The following NFKBIZ variants were observed in gnomAD, a reference collection of about 807,000 sequenced individuals.
NFKBIZ encodes the protein NF-kappa-B inhibitor zeta.
In NFKBIZ, 19 loss-of-function variants were observed where a neutral mutation model predicts 76.8. That is an observed-to-expected ratio of 0.25 (90% confidence interval 0.17 to 0.36). NFKBIZ has a LOEUF of 0.36. Among genes scored for constraint, NFKBIZ ranks in the 10% least tolerant of loss-of-function variants. The pLI, the probability that NFKBIZ is intolerant of heterozygous loss-of-function variation, is 1.00. For synonymous variants in NFKBIZ, 368 were observed against 354.8 expected, an observed-to-expected ratio of 1.04 and a Z score of -0.42; for missense variants, 829 against 910.9, an observed-to-expected ratio of 0.91 and a Z score of 1.16.
chr3:101,856,991 A>C (rs1446270551), intron 9 of NFKBIZ, 82 bp from the exon 10 acceptor site: 1 of 979,308 alleles, frequency 1.0e-6, no homozygotes, highest in Non-Finnish European at 1.6e-6. Flanking sequence ...TCAGACATTC[A>C]GGAGACTGGG....
chr3:101,846,417 T>C (rs536228345), upstream of NFKBIZ, among the ~76,000 whole-genome samples: 1 of 152,340 alleles, frequency 6.6e-6, no homozygotes, highest in Admixed American at 6.5e-5. Context: ...GTTTTTGATG[T>C]GTATGGGAGG....
Position 101,849,745 on chromosome 3 carries a change from G to A in NFKBIZ, c.117G>A (p.Ser39=), listed in dbSNP as rs1216899819. ...ACCTGAGCTACTTCTACGGCGCGTC[G>A]CCGCCCGCCGCCGCCCCGGGCGCCT... ...PLNLSYFYGA[S]PPAAAPGACD... is the part of the protein sequence containing the mutation. The change falls in exon 1 of 12, where the codon TCG becomes TCA. Residue 39 remains serine, a synonymous_variant. Transcript: ENST00000326172. 5 of 1,446,584 alleles carry A rather than the reference G, an allele frequency of 3.5e-6. No individual in the cohort carries two copies. The highest frequency in any genetic ancestry group is 2.6e-5 in the Admixed American group (1 of 38,520). The allele number at this position is 1,446,584 out of a possible 1,614,324, so 89.6% of individuals were successfully genotyped here.
chr3:101,856,038 G>A, intron 9 of NFKBIZ, 136 bp downstream of exon 9: 1 of 756,876 alleles, frequency 1.3e-6, no homozygotes, highest in Non-Finnish European at 2.0e-6. Flanking sequence ...ATGTATGGGT[G>A]GTTAAGAAGC....
In NFKBIZ at chr3:101,849,558, C is replaced by A; in HGVS notation, c.-71C>A. The A allele has an allele frequency of 2.4e-6, 3 of 1,261,962 alleles. No individual in the cohort carries two copies. Among genetic ancestry groups the A allele is most frequent in the Non-Finnish European group, 3.0e-6 (3 of 995,986 alleles). 78.2% of individuals were successfully genotyped at this position (1,261,962 alleles called of 1,614,324 possible). A position where few individuals can be genotyped will look rare whatever the true frequency, so the allele number is the denominator to read the frequency against. ...GCCCGCCGACAGCTCCCTGAGCCAG[C>A]CCGGGAGGCAGCCGCGCGCAGCGAG... On this transcript the variant is annotated 5_prime_UTR_variant, in exon 1 of 12. Transcript: ENST00000326172.
chr3:101,854,550 C>T (rs1204490566), intron 5 of NFKBIZ, 28 bp from the exon 6 acceptor site: 31 of 1,344,074 alleles, frequency 2.3e-5, no homozygotes, highest in Non-Finnish European at 2.9e-5. Flanking sequence ...AGAAGTGATT[C>T]ACCCGCTTTC....
chr3:101,835,422 G>A (rs914504738), intron 2 of NFKBIZ, among the ~76,000 whole-genome samples: 1 of 152,200 alleles, frequency 6.6e-6, no homozygotes, highest in African/African-American at 2.4e-5. Flanking sequence ...TAGTTTGCTA[G>A]GGCTGCCGTA....
Position 101,852,178 on chromosome 3 carries a change from G to T in NFKBIZ, c.383G>T (p.Arg128Leu). ...NSVKELLLHIRSHKQKASGQA... is the reference protein window; with the variant it reads ...NSVKELLLHILSHKQKASGQA... ...GTGAAGGAACTCCTGTTGCACATCC[G>T]AAGTCATAAACAGAAGGCTTCTGGC... The change falls in exon 2 of 12, where the codon CGA becomes CTA. Residue 128 changes from arginine to leucine, a missense_variant. Around this residue, in one of 4 missense-constraint regions of NFKBIZ, gnomAD observed 371 missense variants for 332.3 expected, o/e 1.12. Coordinates refer to ENST00000326172, the MANE Select transcript of NFKBIZ (RefSeq NM_031419.4). 6.2e-7 allele frequency: 1 copy of T among 1,614,224 alleles called. No homozygotes were observed. The highest frequency in any genetic ancestry group is 8.5e-7 in the Non-Finnish European group (1 of 1,180,042).
In NFKBIZ at chr3:101,855,404, AAGG is replaced by A. The variant is rs1400654802; in HGVS notation, c.1601_1603del (p.Lys534_Gly535delinsArg). 2 of 1,614,082 alleles carry A rather than the reference AAGG, an allele frequency of 1.2e-6. No homozygotes were observed. Among genetic ancestry groups the A allele is most frequent in the Non-Finnish European group, 1.7e-6 (2 of 1,180,020 alleles). ...TTTTTAAAATCTGCAGGCGATTCAG[AAGG>A]GAGCAGTGGGAAGTAATCAGTTTGT... On this transcript the variant is annotated inframe_deletion, in exon 8 of 12. Transcript: ENST00000326172.
At chr3:101,845,620 T>C (rs535934105), upstream of NFKBIZ, among the ~76,000 whole-genome samples, 1 of 152,324 alleles carries the variant, frequency 6.6e-6, no homozygotes, top group African/African-American at 2.4e-5. Context: ...AATTCCTTTT[T>C]TGAAACTCTG....
In NFKBIZ at chr3:101,852,842, TATAAA is replaced by T. The variant is rs137934701; in HGVS notation, c.461-36_461-32del. ...ATAGAGTGTAATTATGGGTAACATT[TATAAA>T]ATAAAATGATGACAGAGGCTGTATT... On this transcript the variant is annotated intron_variant, in intron 3 of 11. Transcript: ENST00000326172. The T allele has an allele frequency of 5.9e-5, 94 of 1,604,086 alleles. No homozygotes were observed. In the African/African-American group the frequency reaches 1.2e-3, roughly 20 times the overall value.
intron 1 of NFKBIZ, 67 bp downstream of exon 1, chr3:101,849,984 C>T (rs933728001): frequency 1.3e-5 from 17 of 1,302,112 alleles, no homozygotes; most frequent in Non-Finnish European, 1.6e-5. Context: ...GAGCGGGACT[C>T]CCCAGATGGA....
chr3:101,856,739 A>G, intron 9 of NFKBIZ: 1 of 193,572 alleles, frequency 5.2e-6, no homozygotes. Flanking sequence ...CAGGGAGGCT[A>G]CCAAATCTGG....
At chr3:101,844,812 A>C (rs1327071873), upstream of NFKBIZ, among the ~76,000 whole-genome samples, 1 of 152,226 alleles carries the variant, frequency 6.6e-6, no homozygotes, top group African/African-American at 2.4e-5. Flanking sequence ...CAGCAAAATA[A>C]ACTCTACCAG....
chr3:101,833,718 C>T (rs368399490), intron 2 of NFKBIZ, among the ~76,000 whole-genome samples: 12 of 152,232 alleles, frequency 7.9e-5, no homozygotes, highest in Middle Eastern at 3.4e-3. Context: ...GGTAAGGTTT[C>T]GTATCTTGTA....
chr3:101,855,378 G>A lies in NFKBIZ; in HGVS notation c.1591-17G>A, dbSNP rs758355230. On this transcript the variant is annotated splice_polypyrimidine_tract_variant and intron_variant, in intron 7 of 11. Coordinates refer to ENST00000326172, the MANE Select transcript of NFKBIZ (RefSeq NM_031419.4). ...CAGCTTATGTAGCTAACAGATGTCTGTTTTTAAAATCTGCAGGCGATTCAG... is the reference window on the plus strand; with the variant it reads ...CAGCTTATGTAGCTAACAGATGTCTATTTTTAAAATCTGCAGGCGATTCAG... 1.2e-5 allele frequency: 19 copies of A among 1,613,960 alleles called. No homozygotes were observed. The African/African-American group carries it at 2.5e-4, about 22-fold the overall frequency.
chr3:101,838,689 G>A (rs951833786), intron 2 of NFKBIZ, among the ~76,000 whole-genome samples: 2 of 152,192 alleles, frequency 1.3e-5, no homozygotes, highest in African/African-American at 4.8e-5. Flanking sequence ...GGGGAGGTAA[G>A]GTGATTGTTT....
In NFKBIZ at chr3:101,853,475, C is replaced by T. The variant is rs779015430; in HGVS notation, c.949C>T (p.Pro317Ser). 6.2e-6 allele frequency: 10 copies of T among 1,614,112 alleles called. No homozygotes were observed. Among genetic ancestry groups the T allele is most frequent in the Non-Finnish European group, 8.5e-6 (10 of 1,180,044 alleles). Residue 317 changes from proline (P) to serine (S), a missense_variant, in exon 5 of 12, where the codon CCC becomes TCC. Around this residue, in one of 4 missense-constraint regions of NFKBIZ, gnomAD observed 371 missense variants for 332.3 expected, o/e 1.12. Coordinates refer to ENST00000326172, the MANE Select transcript of NFKBIZ (RefSeq NM_031419.4). ...TLEYSPFPIP[P>S]QSPAYEPNLF... ...GGAATACAGTCCTTTTCCCATACCT[C>T]CCCAGTCCCCCGCTTATGAACCAAA... is the stretch of plus-strand genomic sequence containing the variant.
intron 2 of NFKBIZ, among the ~76,000 whole-genome samples, chr3:101,836,835 C>A (rs1051474467): frequency 6.6e-6 from 1 of 152,214 alleles, no homozygotes; most frequent in Non-Finnish European, 1.5e-5. Context: ...CTGGTCTCTT[C>A]TCTGCTACAT....
intron 4 of NFKBIZ, 28 bp from the exon 5 acceptor site, chr3:101,853,063 G>T (rs948205057): frequency 2.5e-6 from 4 of 1,611,928 alleles, no homozygotes; most frequent in African/African-American, 1.3e-5. Context: ...GGAAGTGAGT[G>T]TGCAAGTTGC....
Sources: gnomAD v4.1 joint callset for allele counts (sites outside exome capture counted in the v4.1 genomes callset) on GRCh38, gnomAD v4.1.1 for gene constraint, gnomAD v4.1.1 regional missense constraint, MANE v1.5 for transcripts, NCBI Gene and HGNC (gene_info 2026-07-23, HGNC 2026-07-21) for gene names.